Variants in NAV3 observed in about 807,000 individuals in gnomAD.
NAV3 encodes the protein pore membrane and/or filament interacting like protein 1.
NAV3 carries 87 observed loss-of-function variants against 244.7 expected under a neutral mutation model. The observed-to-expected ratio is 0.36, with a 90% CI of 0.30 to 0.42. The LOEUF (loss-of-function observed/expected upper bound fraction) is 0.42. Ranked by LOEUF, NAV3 falls within the 20% of genes least tolerant of loss-of-function variation. The pLI is 1.00. For synonymous variants in NAV3, 1,126 were observed against 1,042.2 expected, an observed-to-expected ratio of 1.08 and a Z score of -1.55; for missense variants, 2,663 against 2,893.3, an observed-to-expected ratio of 0.92 and a Z score of 1.83.
At chr12:77,639,272 T>C (rs761405813) in intron 2 of NAV3, among the ~76,000 whole-genome samples, 4 of 152,204 alleles carry the variant, frequency 2.6e-5, no homozygotes, top group Non-Finnish European at 5.9e-5. Context: ...AACAATTTAG[T>C]CAGGTGTACT....
chr12:78,058,895 G>C (rs1883901444), intron 11 of NAV3, 101 bp from the exon 12 acceptor site: 3 of 925,698 alleles, frequency 3.2e-6, no homozygotes, highest in Admixed American at 3.2e-5. Flanking sequence ...GAATATATTT[G>C]AGTAATTATT....
chr12:77,585,972 C>A (rs546296317), intron 2 of NAV3, among the ~76,000 whole-genome samples: 11 of 152,240 alleles, frequency 7.2e-5, no homozygotes, highest in Admixed American at 1.3e-4. Context: ...ACCATCCTGG[C>A]GAACATGGTG....
intron 1 of NAV3, among the ~76,000 whole-genome samples, chr12:77,914,759 T>A (rs1886959365): frequency 6.6e-6 from 1 of 151,968 alleles, no homozygotes. Context: ...TCTGTTTTGA[T>A]TCAGTAAACA....
intron 1 of NAV3, among the ~76,000 whole-genome samples, chr12:77,875,936 G>T (rs1881786611): frequency 6.6e-6 from 1 of 151,980 alleles, no homozygotes; most frequent in African/African-American, 2.4e-5. Context: ...CATTTTCAGG[G>T]AGTAACTTTG....
In NAV3 at chr12:78,157,564, A is replaced by G. The variant is rs1230804434; in HGVS notation, c.4786-1639A>G. ...TGGCAGCAAGACACTGAGTAAAAGA[A>G]TAAAATAAATAATTAAAAGTTAAAA... is the stretch of plus-strand genomic sequence containing the variant. On this transcript the variant is annotated intron_variant, in intron 22 of 39. Coordinates refer to ENST00000397909, the MANE Select transcript of NAV3 (RefSeq NM_001024383.2). 2.6e-5 allele frequency among the ~76,000 whole-genome samples: 4 copies of G among 152,172 alleles called. No homozygotes were observed. The East Asian group carries it at 7.7e-4, about 29-fold the overall frequency.
At chr12:77,689,489 A>G (rs1213455443) in intron 2 of NAV3, among the ~76,000 whole-genome samples, 2 of 151,978 alleles carry the variant, frequency 1.3e-5, no homozygotes, top group African/African-American at 2.4e-5. Context: ...AGTGGCTTTT[A>G]TGTTGGATGT....
At chr12:78,048,752 G>A (rs972323492) in intron 9 of NAV3, among the ~76,000 whole-genome samples, 1 of 152,182 alleles carries the variant, frequency 6.6e-6, no homozygotes, top group Non-Finnish European at 1.5e-5. Flanking sequence ...CACTGTGCTC[G>A]GAGATCCGCT....
intron 24 of NAV3, among the ~76,000 whole-genome samples, chr12:78,171,604 ACT>A (rs1331494329): frequency 2.6e-5 from 4 of 151,556 alleles, no homozygotes; most frequent in Non-Finnish European, 4.4e-5. Flanking sequence ...TAATATTAAA[ACT>A]CAGCATTAAA....
In NAV3 at chr12:78,075,221, T is replaced by G. The variant is rs1952985195; in HGVS notation, c.2636+16106T>G. On this transcript the variant is annotated intron_variant, in intron 12 of 39. Transcript: ENST00000397909. ...TAGTGTTGTGAGAAATAATTTAACA[T>G]AATTAATCATAAAAAGGGGATTTAG... Among the ~76,000 whole-genome samples, 3 of 152,154 alleles carry G rather than the reference T, an allele frequency of 2.0e-5. No individual in the cohort carries two copies. The South Asian group carries it at 6.2e-4, about 31-fold the overall frequency.
At chr12:77,950,385 T>G (rs1890756037) in intron 3 of NAV3, among the ~76,000 whole-genome samples, 1 of 152,104 alleles carries the variant, frequency 6.6e-6, no homozygotes, top group African/African-American at 2.4e-5. Context: ...GTAACTATAA[T>G]TTGAATTCCC....
intron 1 of NAV3, among the ~76,000 whole-genome samples, chr12:77,863,627 C>A (rs1879581310): frequency 1.3e-5 from 2 of 151,550 alleles, no homozygotes; most frequent in Non-Finnish European, 3.0e-5. Flanking sequence ...GCTATGATTT[C>A]TTGATTCATT....
chr12:77,974,081 A>T (rs1419278628), intron 5 of NAV3, among the ~76,000 whole-genome samples: 1 of 152,036 alleles, frequency 6.6e-6, no homozygotes, highest in Non-Finnish European at 1.5e-5. Flanking sequence ...ACGTTCTAAC[A>T]CTGGTGTTTC....
chr12:78,128,458 A>G (rs1956020107), intron 17 of NAV3, among the ~76,000 whole-genome samples: 1 of 152,086 alleles, frequency 6.6e-6, no homozygotes, highest in Admixed American at 6.6e-5. Context: ...CTCATTGCTT[A>G]TGATTTCCAA....
At chr12:78,027,317 C>T (rs1878225961) in intron 9 of NAV3, among the ~76,000 whole-genome samples, 1 of 151,776 alleles carries the variant, frequency 6.6e-6, no homozygotes, top group African/African-American at 2.4e-5. Flanking sequence ...CTGTGTAGCA[C>T]ATGTGTAGTC....
At chr12:77,676,576 T>A (rs898609511) in intron 2 of NAV3, among the ~76,000 whole-genome samples, 19 of 139,154 alleles carry the variant, frequency 1.4e-4, no homozygotes, top group African/African-American at 5.0e-4. Flanking sequence ...TTTTTTTAAA[T>A]TTTTTAAAAA....
chr12:77,640,715 T>C (rs1248807686), intron 2 of NAV3, among the ~76,000 whole-genome samples: 1 of 152,142 alleles, frequency 6.6e-6, no homozygotes, highest in African/African-American at 2.4e-5. Flanking sequence ...ACATATAAAA[T>C]GTAGCTATGA....
At chr12:77,857,632 A>AT (rs1345386848) in intron 1 of NAV3, among the ~76,000 whole-genome samples, 2 of 151,876 alleles carry the variant, frequency 1.3e-5, no homozygotes, top group African/African-American at 2.4e-5. Flanking sequence ...ATATATATAT[A>AT]TGACATTACT....
chr12:77,836,219 A>C (rs1036883628), intron 1 of NAV3, among the ~76,000 whole-genome samples: 2 of 152,206 alleles, frequency 1.3e-5, no homozygotes, highest in African/African-American at 4.8e-5. Flanking sequence ...TCAGCAAACA[A>C]CATCCAATTA....
intron 1 of NAV3, among the ~76,000 whole-genome samples, chr12:77,839,100 G>A (rs981586727): frequency 3.9e-5 from 6 of 152,144 alleles, no homozygotes; most frequent in African/African-American, 1.4e-4. Context: ...AGTCTGTTAT[G>A]AGCAGCGTAG....
Sources: gnomAD v4.1 joint callset for allele counts (sites outside exome capture counted in the v4.1 genomes callset) on GRCh38, gnomAD v4.1.1 for gene constraint, MANE v1.5 for transcripts, NCBI Gene and HGNC (gene_info 2026-07-23, HGNC 2026-07-21) for gene names.